NYAP2: variants seen among roughly 807,000 people sequenced by gnomAD.
NYAP2 encodes the protein neuronal tyrosine-phosphorylated phosphoinositide-3-kinase adaptor 2, also known as neuronal tyrosine-phosphorylated phosphoinositide-3-kinase adapter 2.
A neutral mutation model predicts 50.4 loss-of-function variants in NYAP2; 23 were observed. That is an observed-to-expected ratio of 0.46 (90% CI 0.33 to 0.65). The LOEUF is 0.65. Among genes scored for constraint, NYAP2 ranks in the 30% least tolerant of loss-of-function variants. NYAP2 has a pLI of 0.02. For synonymous variants in NYAP2, 394 were observed against 365.2 expected, an observed-to-expected ratio of 1.08 and a Z score of -0.90; for missense variants, 885 against 861.0, an observed-to-expected ratio of 1.03 and a Z score of -0.35.
chr2:225,548,065 TA>T (rs1462222501), intron 4 of NYAP2, among the ~76,000 whole-genome samples: 1 of 152,098 alleles, frequency 6.6e-6, no homozygotes, highest in Non-Finnish European at 1.5e-5. Flanking sequence ...TAGCTAATAA[TA>T]GTTCATTCTT....
chr2:225,679,946 G>T, the NYAP2 span, among the ~76,000 whole-genome samples: 659 of 152,180 alleles, frequency 4.3e-3, 8 homozygotes, highest in African/African-American at 0.015. Context: ...GAGAGTTTCA[G>T]TTTCCTCACT....
rs192062868 is a variant in NYAP2, at chr2:225,420,797, A to G, written c.221+11696A>G. On this transcript the variant is annotated intron_variant, in intron 3 of 6. Coordinates refer to ENST00000636099, the Ensembl canonical transcript of NYAP2. The stretch of plus-strand genomic sequence containing the variant: ...GGCTAATTTTTGTATTTCCTTTTTC[A>G]TATAGTACTTGATACAGTCATCGTA... Among the ~76,000 whole-genome samples, 242 of 151,832 alleles carry G rather than the reference A, an allele frequency of 1.6e-3. 1 individual carries two copies. The highest frequency in any genetic ancestry group is 5.6e-3 in the African/African-American group (233 of 41,398).
At position 225,533,255 on chromosome 2, in the gene NYAP2, C is replaced by A. The variant is rs372645248; in HGVS notation, c.523+19583C>A. ...TTATGTCTCCAAAAATGTGGCTAAC[C>A]AAACTGAGTAATGTCCTTGCAGTTC... On this transcript the variant is annotated intron_variant, in intron 4 of 6. Coordinates refer to ENST00000636099, the Ensembl canonical transcript of NYAP2. Among the ~76,000 whole-genome samples the A allele has an allele frequency of 3.7e-4, 57 of 152,232 alleles. No homozygotes were observed. The South Asian group carries it at 0.012, about 31-fold the overall frequency.
At position 225,404,317 on chromosome 2, in the gene NYAP2, G is replaced by T. The variant is rs559180345; in HGVS notation, c.-18+3274G>T. Among the ~76,000 whole-genome samples, 14 of 151,834 alleles carry T rather than the reference G, an allele frequency of 9.2e-5. No individual in the cohort carries two copies. In the South Asian group the frequency reaches 2.9e-3, roughly 32 times the overall value. ...GCAGTAGCAGGAAACTATAGAAAAAGAAAAAACGAGTTGTTTTTTAAATGT... is the reference window on the plus strand; with the variant it reads ...GCAGTAGCAGGAAACTATAGAAAAATAAAAAACGAGTTGTTTTTTAAATGT... On this transcript the variant is annotated intron_variant, in intron 2 of 6. Coordinates refer to ENST00000636099, the Ensembl canonical transcript of NYAP2.
At chr2:225,700,090 A>G in the NYAP2 span, 1 of 151,888 alleles carries the variant, frequency 6.6e-6, no homozygotes, top group Non-Finnish European at 1.5e-5. Flanking sequence ...ACCAAATATA[A>G]CAGGAGTTAG....
At chr2:225,461,209 T>G (rs1273728221) in intron 3 of NYAP2, among the ~76,000 whole-genome samples, 2 of 152,066 alleles carry the variant, frequency 1.3e-5, no homozygotes, top group Non-Finnish European at 2.9e-5. Context: ...CTGGGTTATC[T>G]CAGATTCTGG....
intron 4 of NYAP2, among the ~76,000 whole-genome samples, chr2:225,528,225 T>C (rs1339083478): frequency 2.0e-5 from 3 of 152,216 alleles, no homozygotes; most frequent in Non-Finnish European, 4.4e-5. Context: ...TCTGGTTGAA[T>C]GCTTCAAAAG....
intron 5 of NYAP2, among the ~76,000 whole-genome samples, chr2:225,610,341 G>T (rs1417096027): frequency 6.6e-6 from 1 of 152,050 alleles, no homozygotes; most frequent in East Asian, 1.9e-4. Flanking sequence ...CCCTGTGTAT[G>T]CATACCTCGG....
the NYAP2 span, among the ~76,000 whole-genome samples, chr2:225,674,272 T>G: frequency 6.6e-5 from 10 of 152,084 alleles, no homozygotes; most frequent in African/African-American, 2.4e-4. Flanking sequence ...AGTTGGGGGT[T>G]AAAAATGTGT....
exon 7 of NYAP2, chr2:225,651,575 A>G: frequency 1.2e-6 from 2 of 1,613,284 alleles, no homozygotes; most frequent in Non-Finnish European, 8.5e-7. Context: ...ACTTCCTGTG[A>G]TACAACTTGC....
At chr2:225,415,620 G>A (rs562784460) in intron 3 of NYAP2, among the ~76,000 whole-genome samples, 54 of 152,244 alleles carry the variant, frequency 3.5e-4, no homozygotes, top group African/African-American at 1.2e-3. Flanking sequence ...ATTGCACCAT[G>A]AATAGCTATT....
At chr2:225,627,024 A>G (rs1484309106) in exon 6 of NYAP2, 3 of 1,594,818 alleles carry the variant, frequency 1.9e-6, no homozygotes, top group Non-Finnish European at 2.6e-6. Context: ...AGAGCCTGTC[A>G]AAGCTCAGGA....
chr2:225,654,828 C>A (rs895294307), downstream of NYAP2, among the ~76,000 whole-genome samples: 1 of 152,230 alleles, frequency 6.6e-6, no homozygotes, highest in African/African-American at 2.4e-5. Flanking sequence ...CATTACCCTT[C>A]GTACAAAAAG....
the NYAP2 span, among the ~76,000 whole-genome samples, chr2:225,662,483 T>C: frequency 6.6e-6 from 1 of 152,258 alleles, no homozygotes; most frequent in Non-Finnish European, 1.5e-5. Context: ...TTCACCAAAA[T>C]GTATCTGGCT....
At chr2:225,413,081 C>T (rs1695073116) in intron 3 of NYAP2, among the ~76,000 whole-genome samples, 1 of 152,140 alleles carries the variant, frequency 6.6e-6, no homozygotes, top group South Asian at 2.1e-4. Context: ...CTAAAACCTT[C>T]CTTTCTTTCC....
At chr2:225,416,363 T>G (rs1234362159) in intron 3 of NYAP2, among the ~76,000 whole-genome samples, 3 of 152,172 alleles carry the variant, frequency 2.0e-5, no homozygotes, top group Non-Finnish European at 4.4e-5. Context: ...TGATTCTAAA[T>G]GAATTAACTT....
intron 4 of NYAP2, among the ~76,000 whole-genome samples, chr2:225,523,954 G>A (rs1191307333): frequency 1.3e-5 from 2 of 152,152 alleles, no homozygotes; most frequent in Non-Finnish European, 2.9e-5. Flanking sequence ...TGTACACTGA[G>A]GATAGAACAC....
At chr2:225,445,298 A>G (rs920793603) in intron 3 of NYAP2, among the ~76,000 whole-genome samples, 1 of 152,194 alleles carries the variant, frequency 6.6e-6, no homozygotes, top group East Asian at 1.9e-4. Flanking sequence ...TACTTTATGT[A>G]CTTTTCCTAA....
At chr2:225,525,427 A>G (rs1691134183) in intron 4 of NYAP2, among the ~76,000 whole-genome samples, 3 of 152,332 alleles carry the variant, frequency 2.0e-5, no homozygotes, top group South Asian at 4.1e-4. Flanking sequence ...CAAATGGATC[A>G]TAGAATACTA....
Sources: gnomAD v4.1 joint callset for allele counts (sites outside exome capture counted in the v4.1 genomes callset) on GRCh38, gnomAD v4.1.1 for gene constraint, MANE v1.5 for transcripts, NCBI Gene and HGNC (gene_info 2026-07-23, HGNC 2026-07-21) for gene names.